The following SPON1 variants were observed in gnomAD, a reference collection of about 807,000 sequenced individuals.
The protein encoded by SPON1 is spondin-1.
A neutral mutation model predicts 111.7 loss-of-function variants in SPON1; 52 were observed. That is an observed-to-expected ratio of 0.47 (90% CI 0.37 to 0.59). The LOEUF (loss-of-function observed/expected upper bound fraction) is 0.59, where lower values mean the gene tolerates loss of function less well. Among genes scored for constraint, SPON1 ranks in the 20% least tolerant of loss-of-function variants. SPON1 has a pLI of 0.00. For missense variants in SPON1, 957 were observed against 1,068.5 expected, an observed-to-expected ratio of 0.90 and a Z score of 1.46; for synonymous variants, 410 against 395.8, an observed-to-expected ratio of 1.04 and a Z score of -0.43.
In SPON1 at chr11:14,019,901, T is replaced by C. The variant is rs1848468868; in HGVS notation, c.346-21620T>C. Among the ~76,000 whole-genome samples the C allele has an allele frequency of 2.6e-5, 4 of 152,180 alleles. No homozygotes were observed. In the South Asian group the frequency reaches 8.3e-4, roughly 32 times the overall value. On this transcript the variant is annotated intron_variant, in intron 2 of 15. Transcript: ENST00000576479. ...CACTCTCCTCATAGGCCACTACCCC[T>C]TTTGTCAGAGAGGAAAATCCCAGAA... is the stretch of plus-strand genomic sequence containing the variant.
chr11:14,171,947 G>C (rs1446470638), intron 6 of SPON1, among the ~76,000 whole-genome samples: 25 of 152,202 alleles, frequency 1.6e-4, no homozygotes, highest in African/African-American at 5.5e-4. Context: ...GTGGTGTGGT[G>C]CTGAAAAGAA....
intron 3 of SPON1, among the ~76,000 whole-genome samples, chr11:14,067,082 C>T (rs1194334983): frequency 6.6e-6 from 1 of 152,154 alleles, no homozygotes; most frequent in African/African-American, 2.4e-5. Context: ...GAAGCTGAGC[C>T]AGGAGGATCA....
At chr11:14,178,176 A>G (rs1362770992) in intron 6 of SPON1, among the ~76,000 whole-genome samples, 1 of 152,176 alleles carries the variant, frequency 6.6e-6, no homozygotes, top group Non-Finnish European at 1.5e-5. Context: ...AGTCACAAAC[A>G]CTTTGGGAGG....
chr11:14,212,604 C>T (rs1848587953), intron 6 of SPON1, among the ~76,000 whole-genome samples: 2 of 152,134 alleles, frequency 1.3e-5, no homozygotes, highest in South Asian at 4.1e-4. Flanking sequence ...AAATAGGGGT[C>T]ATATTACTTA....
chr11:14,166,135 A>G (rs1306141250), intron 6 of SPON1, among the ~76,000 whole-genome samples: 1 of 152,334 alleles, frequency 6.6e-6, no homozygotes, highest in East Asian at 1.9e-4. Flanking sequence ...AATTGGCTCT[A>G]TAAGTCAACT....
chr11:14,051,256 G>A (rs1255861224), intron 3 of SPON1, among the ~76,000 whole-genome samples: 2 of 152,174 alleles, frequency 1.3e-5, no homozygotes, highest in Admixed American at 6.5e-5. Flanking sequence ...CACACAGGGA[G>A]AGATGTGGTG....
At chr11:14,194,980 A>G (rs1554934921) in intron 6 of SPON1, among the ~76,000 whole-genome samples, 1 of 152,200 alleles carries the variant, frequency 6.6e-6, no homozygotes. Flanking sequence ...TGTTTACATG[A>G]TAATCTTTGT....
At chr11:14,256,763 C>T in intron 10 of SPON1, 71 bp downstream of exon 10, 1 of 1,201,172 alleles carries the variant, frequency 8.3e-7, no homozygotes. Context: ...AATTTGCTAA[C>T]CTGTTTTAAG....
chr11:14,085,143 G>A (rs1419807942), intron 5 of SPON1, among the ~76,000 whole-genome samples: 3 of 152,120 alleles, frequency 2.0e-5, no homozygotes, highest in African/African-American at 7.2e-5. Flanking sequence ...AAGCTCTTTA[G>A]TTTAGTAAGA....
chr11:14,082,371 G>A (rs1848969483), intron 5 of SPON1, among the ~76,000 whole-genome samples: 1 of 152,148 alleles, frequency 6.6e-6, no homozygotes, highest in Admixed American at 6.5e-5. Flanking sequence ...ATTTTTGGTT[G>A]GAAAAATTTG....
chr11:14,015,788 T>C (rs950645652), intron 2 of SPON1, among the ~76,000 whole-genome samples: 1 of 152,194 alleles, frequency 6.6e-6, no homozygotes, highest in Non-Finnish European at 1.5e-5. Flanking sequence ...TTGTTAGGAA[T>C]GGAGTGAGTC....
At chr11:14,042,464 G>A (rs1554917386) in intron 3 of SPON1, among the ~76,000 whole-genome samples, 2 of 152,046 alleles carry the variant, frequency 1.3e-5, no homozygotes, top group Non-Finnish European at 2.9e-5. Context: ...TTCACAGTTT[G>A]GTGAAACATA....
At chr11:14,088,564 T>A (rs1849025044) in intron 5 of SPON1, among the ~76,000 whole-genome samples, 1 of 151,628 alleles carries the variant, frequency 6.6e-6, no homozygotes, top group East Asian at 1.9e-4. Flanking sequence ...GCCCTTAACA[T>A]TTTTTCCTTC....
intron 1 of SPON1, among the ~76,000 whole-genome samples, chr11:13,968,084 A>G (rs1402886891): frequency 3.9e-5 from 6 of 152,210 alleles, no homozygotes; most frequent in African/African-American, 1.4e-4. Context: ...ATGGGCTGGT[A>G]TATCAGGAGC....
chr11:14,136,536 A>T (rs1322167118), intron 6 of SPON1, among the ~76,000 whole-genome samples: 3 of 152,216 alleles, frequency 2.0e-5, no homozygotes, highest in Non-Finnish European at 4.4e-5. Context: ...TGAGCAGCAC[A>T]GCAGGGCAAG....
At chr11:14,011,480 C>G (rs781975335) in intron 2 of SPON1, among the ~76,000 whole-genome samples, 12 of 152,082 alleles carry the variant, frequency 7.9e-5, no homozygotes, top group Non-Finnish European at 2.9e-5. Flanking sequence ...CTGACTCCCC[C>G]TATAGTTTAG....
At chr11:14,246,227 A>C (rs1848988181) in intron 7 of SPON1, among the ~76,000 whole-genome samples, 1 of 152,182 alleles carries the variant, frequency 6.6e-6, no homozygotes, top group South Asian at 2.1e-4. Flanking sequence ...CAGGAAAGAG[A>C]TAGGAAGGGA....
intron 6 of SPON1, among the ~76,000 whole-genome samples, chr11:14,239,532 C>T (rs1312097207): frequency 6.6e-6 from 1 of 152,118 alleles, no homozygotes; most frequent in Non-Finnish European, 1.5e-5. Flanking sequence ...TTAAGACCAA[C>T]ATGGGCAATG....
chr11:14,234,852 A>G (rs1413884668), intron 6 of SPON1, among the ~76,000 whole-genome samples: 2 of 152,260 alleles, frequency 1.3e-5, no homozygotes, highest in African/African-American at 4.8e-5. Context: ...TTCTGTGCAA[A>G]CGCATCATCT....
Sources: gnomAD v4.1 joint callset for allele counts (sites outside exome capture counted in the v4.1 genomes callset) on GRCh38, gnomAD v4.1.1 for gene constraint, MANE v1.5 for transcripts, NCBI Gene and HGNC (gene_info 2026-07-23, HGNC 2026-07-21) for gene names.